The following IQSEC1 variants were observed in gnomAD, a reference collection of about 807,000 sequenced individuals.
The protein encoded by IQSEC1 is IQ motif and SEC7 domain-containing protein 1.
Under a neutral mutation model 91.0 loss-of-function variants are expected in IQSEC1, and 31 were observed. The observed-to-expected ratio is 0.34, with a 90% CI of 0.26 to 0.46. IQSEC1 has a LOEUF of 0.46. IQSEC1 is among the 20% of genes least tolerant of loss of function. The probability of loss-of-function intolerance (pLI) is 1.00; values close to 1 mark genes in which losing one functional copy is unlikely to be tolerated. For synonymous variants in IQSEC1, 699 were observed against 662.6 expected, an observed-to-expected ratio of 1.05 and a Z score of -0.84; for missense variants, 1,388 against 1,575.6, an observed-to-expected ratio of 0.88 and a Z score of 2.02.
intron 2 of IQSEC1, among the ~76,000 whole-genome samples, chr3:13,131,902 T>A (rs1576264564): frequency 6.6e-6 from 1 of 152,238 alleles, no homozygotes; most frequent in East Asian, 1.9e-4. Flanking sequence ...GTAGTTTTAA[T>A]CTCTATAATT....
In IQSEC1 at chr3:12,900,471, A is replaced by T. The variant is rs1302731088; in HGVS notation, c.*512T>A. On this transcript the variant is annotated 3_prime_UTR_variant, in exon 14 of 14. Coordinates refer to ENST00000613206, the MANE Select transcript of IQSEC1 (RefSeq NM_001134382.3). The stretch of plus-strand genomic sequence containing the variant: ...ATACAGTATATATATATATATATTT[A>T]TATATTTATATATTTATATAAAGTT... The T allele has an allele frequency of 4.5e-6, 3 of 669,032 alleles. No homozygotes were observed. The highest frequency in any genetic ancestry group is 2.7e-4 in the East Asian group (2 of 7,358). The allele number at this position is 669,032 out of a possible 1,614,324, so 41.4% of individuals were successfully genotyped here.
At position 12,936,380 on chromosome 3, in the gene IQSEC1, C is replaced by G; in HGVS notation, c.636G>C (p.Pro212=). 2 of 1,597,388 alleles carry G rather than the reference C, an allele frequency of 1.3e-6. No individual in the cohort carries two copies. The highest frequency in any genetic ancestry group is 1.7e-6 in the Non-Finnish European group (2 of 1,169,458). The change falls in exon 3 of 14, where the codon CCG becomes CCC. Residue 212 remains proline (P), a synonymous_variant. Transcript: ENST00000613206. ...CGTCCGCAAAGTCACTGGAGGGGGC[C>G]GGAGACTTGAGGGTGGTGGGCTCGC... ...DLSEPTTLKS[P]APSSDFADAI...
At chr3:12,905,261 C>T (rs932287971) in intron 12 of IQSEC1, among the ~76,000 whole-genome samples, 2 of 152,256 alleles carry the variant, frequency 1.3e-5, no homozygotes, top group South Asian at 2.1e-4. Flanking sequence ...TGAAGGGCTC[C>T]CAGGATGATT....
intron 1 of IQSEC1, among the ~76,000 whole-genome samples, chr3:13,003,824 G>C (rs1702525698): frequency 6.6e-6 from 1 of 152,214 alleles, no homozygotes; most frequent in African/African-American, 2.4e-5. Context: ...GGTTATGTAA[G>C]AGAATGTCCT....
At chr3:12,916,776 A>C (rs1378375655) in intron 6 of IQSEC1, among the ~76,000 whole-genome samples, 1 of 152,236 alleles carries the variant, frequency 6.6e-6, no homozygotes, top group Non-Finnish European at 1.5e-5. Context: ...GGGAGTGCTC[A>C]ATCATCCCAC....
chr3:13,112,753 C>T (rs1343290557), intron 2 of IQSEC1, among the ~76,000 whole-genome samples: 1 of 152,202 alleles, frequency 6.6e-6, no homozygotes, highest in Non-Finnish European at 1.5e-5. Context: ...CCCCTATGCC[C>T]CTCCCCTGAC....
At chr3:13,028,564 G>A (rs1703719216) in intron 1 of IQSEC1, among the ~76,000 whole-genome samples, 1 of 152,176 alleles carries the variant, frequency 6.6e-6, no homozygotes. Context: ...CCTAGAACTG[G>A]GTGCCTCTGC....
At chr3:13,162,843 T>A (rs1707202617) in intron 2 of IQSEC1, among the ~76,000 whole-genome samples, 1 of 152,118 alleles carries the variant, frequency 6.6e-6, no homozygotes. Context: ...AGGGGCCTGC[T>A]GCCCCCTCCC....
chr3:12,899,689 C>A lies in IQSEC1; in HGVS notation c.*1294G>T. The A allele has an allele frequency of 1.0e-6, 1 of 985,460 alleles. No homozygotes were observed. Among genetic ancestry groups the A allele is most frequent in the Non-Finnish European group, 1.2e-6 (1 of 829,936 alleles). The allele number at this position is 985,460 out of a possible 1,614,324, so 61.0% of individuals were successfully genotyped here. ...TGGCTACATGGAATTACGGTGATCACTGCTACCACTCAGAAAACAAAACGG... is the reference window on the plus strand; with the variant it reads ...TGGCTACATGGAATTACGGTGATCAATGCTACCACTCAGAAAACAAAACGG... On this transcript the variant is annotated 3_prime_UTR_variant, in exon 14 of 14. Transcript: ENST00000613206.
intron 1 of IQSEC1, among the ~76,000 whole-genome samples, chr3:13,024,709 A>C (rs1300343629): frequency 2.0e-5 from 3 of 150,064 alleles, no homozygotes; most frequent in Non-Finnish European, 4.4e-5. Context: ...CCATCTGTCC[A>C]TCCACCCACC....
At chr3:12,954,809 C>G (rs1699796253) in intron 1 of IQSEC1, among the ~76,000 whole-genome samples, 1 of 152,174 alleles carries the variant, frequency 6.6e-6, no homozygotes, top group African/African-American at 2.4e-5. Context: ...CCTGCACAAC[C>G]CTGGGAGTAG....
intron 5 of IQSEC1, among the ~76,000 whole-genome samples, chr3:12,921,842 C>A (rs1413031030): frequency 6.6e-6 from 1 of 152,208 alleles, no homozygotes; most frequent in Admixed American, 6.5e-5. Flanking sequence ...CTAGCAGTCG[C>A]AATCATAACC....
At chr3:13,018,230 T>C (rs925990977) in intron 1 of IQSEC1, among the ~76,000 whole-genome samples, 2 of 152,204 alleles carry the variant, frequency 1.3e-5, no homozygotes, top group East Asian at 3.9e-4. Flanking sequence ...CTGGCCCTCC[T>C]GCAGAGGGGC....
chr3:13,244,199 A>AT (rs1028224083), intron 1 of IQSEC1, among the ~76,000 whole-genome samples: 242 of 149,274 alleles, frequency 1.6e-3, no homozygotes, highest in African/African-American at 4.9e-3. Context: ...GCAACTGATA[A>AT]TTTTTTTTTT....
intron 1 of IQSEC1, among the ~76,000 whole-genome samples, chr3:13,059,313 C>G (rs560207829): frequency 6.8e-6 from 1 of 147,122 alleles, no homozygotes; most frequent in Non-Finnish European, 1.5e-5. Context: ...CCCTGTTCTC[C>G]CCTGTTCCCT....
Position 13,045,783 on chromosome 3 carries a change from A to G in IQSEC1, c.23+27209T>C, listed in dbSNP as rs151185016. Among the ~76,000 whole-genome samples, 338 of 152,286 alleles carry G rather than the reference A, an allele frequency of 2.2e-3. 1 individual carries two copies. The highest frequency in any genetic ancestry group is 7.7e-3 in the African/African-American group (322 of 41,564). On this transcript the variant is annotated intron_variant, in intron 1 of 13. Transcript: ENST00000613206. ...TGCAGAGGCCAGGCTCAGCCCCTAC[A>G]GGAGCCTCCTCAGCCTCCTTCCCTG...
chr3:13,079,133 G>T (rs539619221), intron 2 of IQSEC1, among the ~76,000 whole-genome samples: 18 of 152,332 alleles, frequency 1.2e-4, no homozygotes, highest in Middle Eastern at 3.4e-3. Flanking sequence ...GCAGAGCAGG[G>T]CCGGGCCTGT....
intron 1 of IQSEC1, among the ~76,000 whole-genome samples, chr3:12,981,457 G>A (rs949141143): frequency 5.3e-5 from 8 of 152,048 alleles, no homozygotes; most frequent in African/African-American, 1.9e-4. Flanking sequence ...AGACATCTCT[G>A]GGGGGGAGAA....
intron 1 of IQSEC1, among the ~76,000 whole-genome samples, chr3:13,247,272 C>T (rs990809018): frequency 1.3e-5 from 2 of 152,178 alleles, no homozygotes; most frequent in Non-Finnish European, 2.9e-5. Flanking sequence ...CCAGACACCC[C>T]CAGGACGTGC....
Sources: gnomAD v4.1 joint callset for allele counts (sites outside exome capture counted in the v4.1 genomes callset) on GRCh38, gnomAD v4.1.1 for gene constraint, MANE v1.5 for transcripts, NCBI Gene and HGNC (gene_info 2026-07-23, HGNC 2026-07-21) for gene names.